The following CHRNA5 variants were observed in gnomAD, a reference collection of about 807,000 sequenced individuals.
The protein encoded by CHRNA5 is cholinergic receptor nicotinic alpha 5 subunit.
A neutral mutation model predicts 41.2 loss-of-function variants in CHRNA5; 28 were observed. The ratio of observed to expected loss-of-function variants is 0.68; its 90% confidence interval spans 0.50 to 0.93. The LOEUF (loss-of-function observed/expected upper bound fraction) is 0.93. Among genes scored for constraint, CHRNA5 ranks in the 40% least tolerant of loss-of-function variants. The pLI is 0.00. For synonymous variants in CHRNA5, 188 were observed against 205.8 expected, an observed-to-expected ratio of 0.91 and a Z score of 0.74; for missense variants, 481 against 581.9, an observed-to-expected ratio of 0.83 and a Z score of 1.78.
At chr15:78,578,521 A>C (rs562646312) in intron 1 of CHRNA5, among the ~76,000 whole-genome samples, 2 of 152,310 alleles carry the variant, frequency 1.3e-5, no homozygotes, top group South Asian at 4.1e-4. Context: ...TAAATAAATA[A>C]AAAATAAATA....
intron 1 of CHRNA5, among the ~76,000 whole-genome samples, chr15:78,578,539 A>G (rs1596059350): frequency 6.6e-6 from 1 of 152,200 alleles, no homozygotes; most frequent in South Asian, 2.1e-4. Flanking sequence ...ATAATTTTTT[A>G]AAATTAAACT....
exon 5 of CHRNA5, chr15:78,590,513 C>T (rs745450184): frequency 6.2e-6 from 10 of 1,614,208 alleles, no homozygotes; most frequent in Non-Finnish European, 6.8e-6. Context: ...ACAGGTACTT[C>T]ACTCAGAAAG....
chr15:78,580,438 T>G (rs1245083572), intron 1 of CHRNA5, among the ~76,000 whole-genome samples: 1 of 152,084 alleles, frequency 6.6e-6, no homozygotes, highest in Non-Finnish European at 1.5e-5. Flanking sequence ...TTATTTAGAT[T>G]TGAAACTATT....
chr15:78,589,508 A>G (rs2052990461), intron 4 of CHRNA5: 1 of 271,978 alleles, frequency 3.7e-6, no homozygotes, highest in Non-Finnish European at 6.8e-6. Flanking sequence ...GCCTGAGTCT[A>G]TTCTGTGTGT....
Position 78,588,486 on chromosome 15 carries a change from CA to C in CHRNA5, c.413+64del. The stretch of plus-strand genomic sequence containing the variant: ...AGAAAACATTTGTATTTCTATTAGG[CA>C]CTAATAATTTTTCTCCCTTTTGAAA... On this transcript the variant is annotated intron_variant, in intron 4 of 5. Transcript: ENST00000299565. The surrounding 1 kb of genome is among the most constrained non-coding windows in gnomAD (Gnocchi z 4.1). 2.6e-6 allele frequency: 2 copies of C among 771,380 alleles called. No individual in the cohort carries two copies. The highest frequency in any genetic ancestry group is 3.9e-6 in the Non-Finnish European group (2 of 518,552). The allele number at this position is 771,380 out of a possible 1,614,324, so 47.8% of individuals were successfully genotyped here.
chr15:78,586,754 A>G, intron 3 of CHRNA5, 65 bp downstream of exon 3: 3 of 1,092,832 alleles, frequency 2.7e-6, no homozygotes, highest in Non-Finnish European at 4.1e-6. Flanking sequence ...TATTATATGT[A>G]TTGTAGCAGA....
At chr15:78,576,193 C>T (rs1204068057) in intron 1 of CHRNA5, among the ~76,000 whole-genome samples, 1 of 152,156 alleles carries the variant, frequency 6.6e-6, no homozygotes, top group Non-Finnish European at 1.5e-5. Context: ...GTCTCCCTGA[C>T]TGGAGTGCAG....
At chr15:78,586,739 A>G (rs1222082863) in intron 3 of CHRNA5, 50 bp downstream of exon 3, 6 of 1,224,974 alleles carry the variant, frequency 4.9e-6, no homozygotes, top group Non-Finnish European at 7.1e-6. Flanking sequence ...TGGGACACCT[A>G]TTTTTATTAT....
chr15:78,577,033 G>A lies in CHRNA5; in HGVS notation c.107-3778G>A, dbSNP rs574747531. Among the ~76,000 whole-genome samples, 18 of 152,248 alleles carry A rather than the reference G, an allele frequency of 1.2e-4. No homozygotes were observed. The East Asian group carries it at 3.5e-3, about 29-fold the overall frequency. ...TGTTGTCTGTTTTGTTTACCAGTGT[G>A]TTCCCAGTGCCTGTCTGATAAATGT... On this transcript the variant is annotated intron_variant, in intron 1 of 5. Transcript: ENST00000299565.
chr15:78,589,280 G>A (rs2052988317), intron 4 of CHRNA5: 1 of 152,328 alleles, frequency 6.6e-6, no homozygotes, highest in Non-Finnish European at 1.5e-5. Context: ...CTAGTATATG[G>A]ATTCTATACT....
intron 1 of CHRNA5, among the ~76,000 whole-genome samples, chr15:78,578,502 G>A (rs1350599280): frequency 3.9e-5 from 6 of 152,128 alleles, no homozygotes; most frequent in African/African-American, 1.2e-4. Context: ...GTGAGACTCC[G>A]TCTCAAGATA....
chr15:78,584,391 C>T (rs2052940535), intron 2 of CHRNA5, among the ~76,000 whole-genome samples: 1 of 152,032 alleles, frequency 6.6e-6, no homozygotes, highest in African/African-American at 2.4e-5. Flanking sequence ...AACATTTTTC[C>T]ATTTGTTAGT....
At chr15:78,579,543 C>T (rs55715560) in intron 1 of CHRNA5, among the ~76,000 whole-genome samples, 1,727 of 152,050 alleles carry the variant, frequency 0.011, 31 homozygotes, top group African/African-American at 0.038. Flanking sequence ...CGTGAGCCAC[C>T]GCCTATTTAT....
chr15:78,570,504 G>A (rs903545602), intron 1 of CHRNA5, among the ~76,000 whole-genome samples: 1 of 136,904 alleles, frequency 7.3e-6, no homozygotes, highest in Non-Finnish European at 1.5e-5. Context: ...TCCTGGCCTC[G>A]AATGATCCGC....
In CHRNA5 at chr15:78,588,317, T is replaced by A; in HGVS notation, c.307T>A (p.Trp103Arg). 1 of 1,519,512 alleles carries A rather than the reference T, an allele frequency of 6.6e-7. No individual in the cohort carries two copies. The highest frequency in any genetic ancestry group is 1.2e-5 in the South Asian group (1 of 83,016). 94.1% of individuals were successfully genotyped at this position (1,519,512 alleles called of 1,614,324 possible). A position where few individuals can be genotyped will look rare whatever the true frequency, so the allele number is the denominator to read the frequency against. ...GGCAGATTTCTTTGTTTTAAAGGAA[T>A]GGATAGATGTAAAATTAAGATGGAA... Residue 103 changes from tryptophan (W) to arginine (R), a missense_variant, in exon 4 of 6, where the codon TGG (tryptophan) becomes AGG (arginine). Physicochemically the swap from Trp to Arg is moderately radical, Grantham distance 101. Coordinates refer to ENST00000299565, the Ensembl canonical transcript of CHRNA5. This position sits in a 1 kb window ranked among gnomAD's most constrained non-coding sequence, Gnocchi z 4.1.
intron 1 of CHRNA5, among the ~76,000 whole-genome samples, chr15:78,568,811 C>A (rs1161927559): frequency 6.6e-6 from 1 of 152,124 alleles, no homozygotes. Context: ...AGGACATGAA[C>A]TCATTCTTTT....
At chr15:78,590,204 C>T (rs1430732643) in exon 5 of CHRNA5, 2 of 1,613,966 alleles carry the variant, frequency 1.2e-6, no homozygotes, top group South Asian at 2.2e-5. Context: ...CTGTACTTGT[C>T]TTCTATCTTC....
chr15:78,581,059 G>A (rs1021321406), intron 2 of CHRNA5, 97 bp downstream of exon 2: 1 of 1,292,138 alleles, frequency 7.7e-7, no homozygotes, highest in Non-Finnish European at 1.1e-6. Flanking sequence ...GATTACAAAG[G>A]TGATTGAAGC....
At chr15:78,589,784 T>G (rs375864160) in intron 4 of CHRNA5, 21 bp from the exon 5 acceptor site, 2 of 1,510,164 alleles carry the variant, frequency 1.3e-6, no homozygotes, top group Non-Finnish European at 1.8e-6. Flanking sequence ...TGCATTGTTA[T>G]TTTATATGTG....
Sources: gnomAD v4.1 joint callset for allele counts (sites outside exome capture counted in the v4.1 genomes callset) on GRCh38, gnomAD v4.1.1 for gene constraint, Gnocchi (gnomAD v3.1) non-coding constraint, MANE v1.5 for transcripts, NCBI Gene and HGNC (gene_info 2026-07-23, HGNC 2026-07-21) for gene names.